Variants in PRDM16 observed in about 807,000 individuals in gnomAD.
PRDM16 encodes the protein PR/SET domain 16.
Under a neutral mutation model 110.6 loss-of-function variants are expected in PRDM16, and 23 were observed. The ratio of observed to expected loss-of-function variants is 0.21; its 90% CI spans 0.15 to 0.29. The LOEUF is 0.29. Among genes scored for constraint, PRDM16 ranks in the 10% least tolerant of loss-of-function variants. The pLI is 1.00. For missense variants in PRDM16, 1,615 were observed against 1,794.3 expected (o/e 0.90, Z 1.81); for synonymous variants, 799 against 781.8 (o/e 1.02, Z -0.37).
At chr1:3,365,147 G>C (rs1642787033) in intron 3 of PRDM16, among the ~76,000 whole-genome samples, 1 of 152,192 alleles carries the variant, frequency 6.6e-6, no homozygotes, top group Admixed American at 6.5e-5. Flanking sequence ...AGGAAAGTGG[G>C]AGTCGGGTCG....
intron 4 of PRDM16, chr1:3,394,587 C>G: frequency 2.7e-6 from 1 of 370,554 alleles, no homozygotes; most frequent in South Asian, 1.9e-5. Context: ...CGAGAAGCCT[C>G]AGCCTCGCCC....
intron 1 of PRDM16, among the ~76,000 whole-genome samples, chr1:3,130,788 G>C (rs1343999559): frequency 2.4e-5 from 3 of 122,634 alleles, no homozygotes; most frequent in African/African-American, 8.2e-5. Flanking sequence ...CGGGGGCGGT[G>C]GGGGGGCTGT....
chr1:3,397,117 G>A (rs917857139), intron 5 of PRDM16, among the ~76,000 whole-genome samples: 19 of 152,152 alleles, frequency 1.2e-4, no homozygotes, highest in African/African-American at 4.6e-4. Flanking sequence ...GTGGATGATG[G>A]CATATGTATC....
intron 3 of PRDM16, among the ~76,000 whole-genome samples, chr1:3,348,977 G>A (rs1007437526): frequency 2.0e-4 from 30 of 152,208 alleles, no homozygotes; most frequent in Admixed American, 1.0e-3. Flanking sequence ...GGCAGCGCTG[G>A]CCTGGGAACA....
At chr1:3,214,331 G>A (rs943607477) in intron 2 of PRDM16, among the ~76,000 whole-genome samples, 1 of 152,074 alleles carries the variant, frequency 6.6e-6, no homozygotes, top group African/African-American at 2.4e-5. Flanking sequence ...GCTGCTAGGC[G>A]ACCCAGGGCG....
intron 3 of PRDM16, among the ~76,000 whole-genome samples, chr1:3,352,060 G>A (rs927005649): frequency 1.3e-5 from 2 of 152,190 alleles, no homozygotes; most frequent in African/African-American, 2.4e-5. Flanking sequence ...GGAATGGGGA[G>A]CACAGTGTGA....
chr1:3,250,628 G>A (rs1639908346), intron 3 of PRDM16, among the ~76,000 whole-genome samples: 1 of 152,154 alleles, frequency 6.6e-6, no homozygotes, highest in Non-Finnish European at 1.5e-5. Context: ...TGGTGCCATG[G>A]TCTCTACCAC....
chr1:3,164,601 G>C (rs1247034546), intron 1 of PRDM16, among the ~76,000 whole-genome samples: 1 of 152,136 alleles, frequency 6.6e-6, no homozygotes, highest in Non-Finnish European at 1.5e-5. Flanking sequence ...TAGCCCGCTC[G>C]GTGTCTCTGG....
chr1:3,384,598 G>A (rs1643164181), intron 3 of PRDM16, among the ~76,000 whole-genome samples: 2 of 152,256 alleles, frequency 1.3e-5, no homozygotes, highest in South Asian at 2.1e-4. Context: ...GGTGAGAACA[G>A]CTAGGCGTCT....
intron 1 of PRDM16, among the ~76,000 whole-genome samples, chr1:3,099,954 G>A (rs1642493658): frequency 6.6e-6 from 1 of 152,096 alleles, no homozygotes; most frequent in Non-Finnish European, 1.5e-5. Context: ...TGGCAAGCAA[G>A]GGCTGCCCCC....
chr1:3,399,569 A>G (rs1643435312), intron 5 of PRDM16, among the ~76,000 whole-genome samples: 1 of 152,092 alleles, frequency 6.6e-6, no homozygotes, highest in South Asian at 2.1e-4. Context: ...CCATCCGTGG[A>G]GGGCTGGGGT....
intron 3 of PRDM16, among the ~76,000 whole-genome samples, chr1:3,317,541 G>GA (rs112827077): frequency 0.079 from 12,063 of 152,260 alleles, 1,569 homozygotes; most frequent in African/African-American, 0.27. Context: ...CTTCCATCCA[G>GA]ACCCCACTCC....
chr1:3,133,353 G>C (rs999855859), intron 1 of PRDM16: 5 of 152,318 alleles, frequency 3.3e-5, no homozygotes, highest in African/African-American at 1.2e-4. Flanking sequence ...GCCTGGGGGA[G>C]GTTCCTGTAA....
At chr1:3,360,481 G>GTC (rs1401226764) in intron 3 of PRDM16, among the ~76,000 whole-genome samples, 103 of 152,338 alleles carry the variant, frequency 6.8e-4, no homozygotes, top group Middle Eastern at 3.4e-3. Flanking sequence ...AGACCTGCCA[G>GTC]TGAGCCCCCA....
At chr1:3,283,613 G>T (rs1371024925) in intron 3 of PRDM16, among the ~76,000 whole-genome samples, 1 of 152,170 alleles carries the variant, frequency 6.6e-6, no homozygotes, top group African/African-American at 2.4e-5. Flanking sequence ...AGAGGGGACG[G>T]TCAGCAAAGG....
In PRDM16 at chr1:3,436,065, C is replaced by G. The variant is rs1447871436; in HGVS notation, c.*2254C>G. 1 of 230,870 alleles carries G rather than the reference C, an allele frequency of 4.3e-6. No homozygotes were observed. The highest frequency in any genetic ancestry group is 8.6e-6 in the Non-Finnish European group (1 of 116,694). The allele number at this position is 230,870 out of a possible 1,614,324, so 14.3% of individuals were successfully genotyped here. On this transcript the variant is annotated 3_prime_UTR_variant, in exon 17 of 17. Coordinates refer to ENST00000270722, the MANE Select transcript of PRDM16 (RefSeq NM_022114.4). ...ACAACATCCCCTGGGTCAGACCCACCAGGTACCCCGTAGGAATTTCCAGTT... is the reference window on the plus strand; with the variant it reads ...ACAACATCCCCTGGGTCAGACCCACGAGGTACCCCGTAGGAATTTCCAGTT...
At chr1:3,304,953 G>A (rs929744017) in intron 3 of PRDM16, among the ~76,000 whole-genome samples, 1 of 152,142 alleles carries the variant, frequency 6.6e-6, no homozygotes, top group Non-Finnish European at 1.5e-5. Flanking sequence ...CCTGGTGCCC[G>A]GCGTCTGTGT....
At chr1:3,250,626 T>C (rs1235807338) in intron 3 of PRDM16, among the ~76,000 whole-genome samples, 1 of 152,186 alleles carries the variant, frequency 6.6e-6, no homozygotes, top group Non-Finnish European at 1.5e-5. Flanking sequence ...GCTGGTGCCA[T>C]GGTCTCTACC....
chr1:3,437,332 G>A lies in PRDM16; in HGVS notation c.*3521G>A, dbSNP rs571685031. 2.3e-4 allele frequency: 53 copies of A among 232,744 alleles called. No individual in the cohort carries two copies. Among genetic ancestry groups the A allele is most frequent in the African/African-American group, 7.0e-4 (32 of 45,426 alleles). 14.4% of individuals were successfully genotyped at this position (232,744 alleles called of 1,614,324 possible). A position where few individuals can be genotyped will look rare whatever the true frequency, so the allele number is the denominator to read the frequency against. On this transcript the variant is annotated 3_prime_UTR_variant, in exon 17 of 17. Coordinates refer to ENST00000270722, the MANE Select transcript of PRDM16 (RefSeq NM_022114.4). ...CTGCCTTCCCCGCTTCCCCATGAGC[G>A]TCTGCAAAACACTTGCCTGAATACA...
Sources: gnomAD v4.1 joint callset for allele counts (sites outside exome capture counted in the v4.1 genomes callset) on GRCh38, gnomAD v4.1.1 for gene constraint, MANE v1.5 for transcripts, NCBI Gene and HGNC (gene_info 2026-07-23, HGNC 2026-07-21) for gene names.